The following PTPRK variants were observed in gnomAD, a reference collection of about 807,000 sequenced individuals.
The protein encoded by PTPRK is protein tyrosine phosphatase receptor type K.
In PTPRK, 75 loss-of-function variants were observed where a neutral mutation model predicts 178.0. The ratio of observed to expected loss-of-function variants is 0.42; its 90% CI spans 0.35 to 0.51. The LOEUF is 0.51. Ranked by LOEUF, PTPRK falls within the 20% of genes least tolerant of loss-of-function variation. The pLI is 0.02. For missense variants in PTPRK, 1,441 were observed against 1,797.8 expected (o/e 0.80, Z 3.59); for synonymous variants, 637 against 620.6 (o/e 1.03, Z -0.39).
intron 1 of PTPRK, among the ~76,000 whole-genome samples, chr6:128,448,813 G>A (rs1344561623): frequency 2.0e-5 from 3 of 152,124 alleles, no homozygotes; most frequent in Non-Finnish European, 4.4e-5. Context: ...AGCTTCTTAT[G>A]TGTCACTGTC....
At chr6:128,336,604 C>T (rs1454277734) in intron 2 of PTPRK, among the ~76,000 whole-genome samples, 1 of 152,138 alleles carries the variant, frequency 6.6e-6, no homozygotes, top group East Asian at 1.9e-4. Context: ...TAAATGGATG[C>T]AACTCAAGCA....
chr6:128,165,337 T>C (rs2114621248), intron 7 of PTPRK, among the ~76,000 whole-genome samples: 1 of 151,536 alleles, frequency 6.6e-6, no homozygotes, highest in African/African-American at 2.4e-5. Context: ...TCTTCCCCTT[T>C]TTCCTCTTTA....
intron 7 of PTPRK, among the ~76,000 whole-genome samples, chr6:128,170,618 C>T (rs1206293969): frequency 6.6e-6 from 1 of 151,934 alleles, no homozygotes; most frequent in Non-Finnish European, 1.5e-5. Flanking sequence ...ACTGAGAATT[C>T]ATGGTCATCT....
In PTPRK at chr6:128,089,528, G is replaced by A. The variant is rs556256884; in HGVS notation, c.1465+162C>T. 2.4e-3 allele frequency among the ~76,000 whole-genome samples: 361 copies of A among 152,242 alleles called. 1 individual carries two copies. The Middle Eastern group carries it at 0.041, about 17-fold the overall frequency. ...TGGATGCTTGTCTGAAGAATATTAG[G>A]TTTTGTAAAAGGCAATTTTTTTCCA... On this transcript the variant is annotated intron_variant, in intron 8 of 29. Transcript: ENST00000368226.
chr6:128,393,024 G>A (rs961571895), intron 2 of PTPRK, among the ~76,000 whole-genome samples: 1 of 148,756 alleles, frequency 6.7e-6, no homozygotes, highest in South Asian at 2.1e-4. Flanking sequence ...TGACATTTTT[G>A]TCTAAGAAAA....
At chr6:128,022,899 A>G (rs1320950838) in intron 13 of PTPRK, among the ~76,000 whole-genome samples, 7 of 152,222 alleles carry the variant, frequency 4.6e-5, no homozygotes, top group African/African-American at 1.7e-4. Context: ...TCAAGTTTAC[A>G]CATACTTAGT....
chr6:128,397,735 A>C, intron 1 of PTPRK, 47 bp from the exon 2 acceptor site: 1 of 1,585,310 alleles, frequency 6.3e-7, no homozygotes, highest in Non-Finnish European at 8.6e-7. Flanking sequence ...GATTTTCCAA[A>C]CATAACGAAA....
At chr6:128,371,843 C>T (rs576574807) in intron 2 of PTPRK, among the ~76,000 whole-genome samples, 3 of 151,532 alleles carry the variant, frequency 2.0e-5, no homozygotes, top group East Asian at 3.9e-4. Flanking sequence ...GCCACTGCAC[C>T]CCAGCCCTGG....
At chr6:128,452,344 C>T (rs955802359) in intron 1 of PTPRK, among the ~76,000 whole-genome samples, 1 of 152,144 alleles carries the variant, frequency 6.6e-6, no homozygotes, top group African/African-American at 2.4e-5. Flanking sequence ...GGTACTTTTT[C>T]CCCAGTTAAT....
chr6:128,397,643 T>C lies in PTPRK; in HGVS notation c.146A>G (p.Gln49Arg). Residue 49 changes from glutamine (Q) to arginine (R), a missense_variant, in exon 2 of 30, where the codon CAG becomes CGG. This residue lies in a region of PTPRK where 158 missense variants were observed against 188.0 expected (regional missense o/e 0.84). Coordinates refer to ENST00000368226, the MANE Select transcript of PTPRK (RefSeq NM_002844.4). ...DDGPGACDYH[Q>R]DLYDDFEWVH... The stretch of plus-strand genomic sequence containing the variant: ...CCATTCAAAGTCATCATACAGATCC[T>C]GGTGGTAATCACAGGCCCCTGGACC... 6.2e-7 allele frequency: 1 copy of C among 1,613,520 alleles called. No homozygotes were observed. Among genetic ancestry groups the C allele is most frequent in the Non-Finnish European group, 8.5e-7 (1 of 1,179,484 alleles).
At chr6:128,176,683 G>A (rs936182551) in intron 7 of PTPRK, among the ~76,000 whole-genome samples, 3 of 151,702 alleles carry the variant, frequency 2.0e-5, no homozygotes, top group Non-Finnish European at 4.4e-5. Context: ...TCAGGTTGGT[G>A]GAGAGGAAAG....
chr6:128,161,529 A>G (rs1798706530), intron 7 of PTPRK, among the ~76,000 whole-genome samples: 1 of 151,640 alleles, frequency 6.6e-6, no homozygotes, highest in African/African-American at 2.4e-5. Context: ...CATTCACATT[A>G]ACAACCATTC....
At chr6:128,247,270 T>C (rs962181611) in intron 3 of PTPRK, among the ~76,000 whole-genome samples, 49 of 152,242 alleles carry the variant, frequency 3.2e-4, no homozygotes, top group African/African-American at 1.1e-3. Context: ...CAATATATCA[T>C]AGTGTTAAGA....
intron 2 of PTPRK, among the ~76,000 whole-genome samples, chr6:128,381,365 T>C (rs1837892297): frequency 6.6e-6 from 1 of 152,132 alleles, no homozygotes; most frequent in South Asian, 2.1e-4. Flanking sequence ...TGCGTCAGAG[T>C]GCAAAGCAAC....
chr6:128,510,416 T>C lies in PTPRK; in HGVS notation c.100+9843A>G, dbSNP rs193105124. On this transcript the variant is annotated intron_variant, in intron 1 of 29. Transcript: ENST00000368226. ...CCCAAGATATTTCTTATAGCAACTC[T>C]TCCTAATATCCCATGTTGCTCAGAT... 2.8e-3 allele frequency among the ~76,000 whole-genome samples: 433 copies of C among 152,348 alleles called. 1 individual carries two copies. The highest frequency in any genetic ancestry group is 3.9e-3 in the Non-Finnish European group (265 of 68,030).
At chr6:128,471,704 T>A (rs546002435) in intron 1 of PTPRK, among the ~76,000 whole-genome samples, 3 of 150,564 alleles carry the variant, frequency 2.0e-5, no homozygotes, top group African/African-American at 7.3e-5. Flanking sequence ...GACTCACTGA[T>A]AAAATACATT....
chr6:128,481,980 T>C (rs1396606210), intron 1 of PTPRK, among the ~76,000 whole-genome samples: 1 of 152,158 alleles, frequency 6.6e-6, no homozygotes, highest in African/African-American at 2.4e-5. Flanking sequence ...AATTTTGTTC[T>C]AATCAAATAT....
chr6:128,070,230 T>C (rs2114953785), intron 11 of PTPRK, among the ~76,000 whole-genome samples: 1 of 152,204 alleles, frequency 6.6e-6, no homozygotes, highest in East Asian at 1.9e-4. Context: ...GGCAGAAGAA[T>C]AGAGCTCCCC....
chr6:128,325,546 T>A (rs1273774661), intron 2 of PTPRK, among the ~76,000 whole-genome samples: 2 of 152,032 alleles, frequency 1.3e-5, no homozygotes, highest in Non-Finnish European at 2.9e-5. Flanking sequence ...AAGACATTTA[T>A]GCGGCCAACA....
Sources: allele counts gnomAD v4.1 joint callset (sites outside exome capture counted in the v4.1 genomes callset), GRCh38; gene constraint gnomAD v4.1.1; regional missense constraint gnomAD v4.1.1; transcripts MANE v1.5; gene names NCBI Gene and HGNC (gene_info 2026-07-23, HGNC 2026-07-21).